The following MICAL3 variants were observed in gnomAD, a reference collection of about 807,000 sequenced individuals.
MICAL3 encodes the protein microtubule associated monooxygenase, calponin and LIM domain containing 3.
A neutral mutation model predicts 207.4 loss-of-function variants in MICAL3; 62 were observed. That is an observed-to-expected ratio of 0.30 (90% confidence interval 0.24 to 0.37). The LOEUF (loss-of-function observed/expected upper bound fraction) is 0.37, where lower values mean the gene tolerates loss of function less well. Ranked by LOEUF, MICAL3 falls within the 10% of genes least tolerant of loss-of-function variation. The pLI is 1.00. For synonymous variants in MICAL3, 1,077 were observed against 1,069.3 expected (o/e 1.01, Z -0.14); for missense variants, 2,368 against 2,635.6 (o/e 0.90, Z 2.22).
chr22:17,836,341 C>T (rs556864441), intron 20 of MICAL3, among the ~76,000 whole-genome samples: 1 of 152,268 alleles, frequency 6.6e-6, no homozygotes, highest in Admixed American at 6.5e-5. Flanking sequence ...CTCTAGGTCA[C>T]GGGGCTGCGC....
chr22:17,790,276 CT>C lies in MICAL3; in HGVS notation c.*455del, dbSNP rs753101181. The C allele has an allele frequency of 1.9e-5, 3 of 160,264 alleles. No individual in the cohort carries two copies. The highest frequency in any genetic ancestry group is 6.0e-5 in the Admixed American group (1 of 16,656). 9.9% of individuals were successfully genotyped at this position (160,264 alleles called of 1,614,324 possible). A position where few individuals can be genotyped will look rare whatever the true frequency, so the allele number is the denominator to read the frequency against. ...CTGGGTCTCGATCGCACCCTGACCC[CT>C]GACCCTGCTTTCGTGGGGTATTGTT... On this transcript the variant is annotated 3_prime_UTR_variant, in exon 32 of 32. Coordinates refer to ENST00000441493, the MANE Select transcript of MICAL3 (RefSeq NM_015241.3).
In MICAL3 at chr22:17,900,899, T is replaced by C; in HGVS notation, c.790A>G (p.Ser264Gly). The C allele has an allele frequency of 6.2e-7, 1 of 1,614,048 alleles. No individual in the cohort carries two copies. The highest frequency in any genetic ancestry group is 1.1e-5 in the South Asian group (1 of 91,086). Residue 264 changes from serine (S) to glycine (G), a missense_variant, in exon 6 of 32, where the codon AGT (serine) becomes GGT (glycine). This residue lies in a region of MICAL3 where 400 missense variants were observed against 547.0 expected (regional missense o/e 0.73). Coordinates refer to ENST00000441493, the MANE Select transcript of MICAL3 (RefSeq NM_015241.3). This position sits in a 1 kb window ranked among gnomAD's most constrained non-coding sequence, Gnocchi z 4.0. ...TTAEAKVEEI[S>G]GVAFIFNQKF... ...TGGTTGAATATAAAAGCCACACCAC[T>C]GATCTCTTCCACTTTAGCTTCTGCT... is the stretch of plus-strand genomic sequence containing the variant.
chr22:17,996,368 C>A (rs1281828491), intron 1 of MICAL3, among the ~76,000 whole-genome samples: 1 of 150,974 alleles, frequency 6.6e-6, no homozygotes, highest in African/African-American at 2.4e-5. Context: ...GGTGTGAACC[C>A]GGGAGGCGGA....
rs530342864 is a variant in MICAL3, at chr22:18,014,434, C to G, written c.-75+9847G>C. Among the ~76,000 whole-genome samples, 5 of 152,252 alleles carry G rather than the reference C, an allele frequency of 3.3e-5. No homozygotes were observed. In the Middle Eastern group the frequency reaches 0.01, roughly 311 times the overall value. On this transcript the variant is annotated intron_variant, in intron 1 of 31. Coordinates refer to ENST00000441493, the MANE Select transcript of MICAL3 (RefSeq NM_015241.3). ...GCCTGGAAGGAAGAGAACAGCTTTTCCAAGTTGTTGGATTTGTTCCTTCTC... is the reference window on the plus strand; with the variant it reads ...GCCTGGAAGGAAGAGAACAGCTTTTGCAAGTTGTTGGATTTGTTCCTTCTC...
intron 1 of MICAL3, chr22:18,001,233 C>G (rs1349138963): frequency 2.0e-5 from 3 of 152,004 alleles, no homozygotes; most frequent in East Asian, 1.9e-4. Flanking sequence ...CGGCACTGCC[C>G]GGGCGGGAGG....
At chr22:17,955,054 T>C (rs1934548767) in intron 1 of MICAL3, among the ~76,000 whole-genome samples, 1 of 143,608 alleles carries the variant, frequency 7.0e-6, no homozygotes, top group African/African-American at 2.4e-5. Flanking sequence ...TTACTAGCTG[T>C]GTGACTTTAA....
chr22:17,877,054 GGGAGGTTAT>G, intron 16 of MICAL3, among the ~76,000 whole-genome samples: 1 of 109,640 alleles, frequency 9.1e-6, no homozygotes, highest in East Asian at 2.9e-4. Flanking sequence ...ATGGAGGTTA[GGGAGGTTAT>G]GGAGGTTAGG....
At chr22:17,961,240 T>C (rs750535792) in intron 1 of MICAL3, among the ~76,000 whole-genome samples, 1 of 152,012 alleles carries the variant, frequency 6.6e-6, no homozygotes, top group Non-Finnish European at 1.5e-5. Flanking sequence ...AAACATGAGG[T>C]GTGAGAACCA....
intron 17 of MICAL3, among the ~76,000 whole-genome samples, chr22:17,866,931 C>T (rs186915662): frequency 1.0e-3 from 158 of 152,304 alleles, no homozygotes; most frequent in Non-Finnish European, 1.6e-3. Context: ...AAGTGATAAA[C>T]CCTACTATAG....
At chr22:18,001,171 G>A (rs1433682216) in intron 1 of MICAL3, 1 of 152,096 alleles carries the variant, frequency 6.6e-6, no homozygotes. Flanking sequence ...CCGGACGCAG[G>A]GTTATAAGCG....
intron 1 of MICAL3, among the ~76,000 whole-genome samples, chr22:18,017,752 ATTT>A (rs532674200): frequency 7.6e-6 from 1 of 131,548 alleles, no homozygotes; most frequent in Non-Finnish European, 1.6e-5. Flanking sequence ...CACCCGGCTA[ATTT>A]TTTTTTTTTT....
rs181678852 is a variant in MICAL3, at chr22:17,916,684, C to G, written c.-74-9798G>C. On this transcript the variant is annotated intron_variant, in intron 1 of 31. Transcript: ENST00000441493. ...TACCGTCTGCCCCCCCACAACCCCA[C>G]CGGCCTCCAGGACAAGGGGACACTA... is the stretch of plus-strand genomic sequence containing the variant. Among the ~76,000 whole-genome samples, 487 of 152,274 alleles carry G rather than the reference C, an allele frequency of 3.2e-3. 4 individuals are homozygous for G. The highest frequency in any genetic ancestry group is 0.011 in the African/African-American group (462 of 41,562).
intron 19 of MICAL3, among the ~76,000 whole-genome samples, chr22:17,845,603 G>GGTA (rs2042758597): frequency 6.6e-6 from 1 of 152,116 alleles, no homozygotes; most frequent in Admixed American, 6.5e-5. Context: ...CATTCTGTGA[G>GGTA]GTAGGCACTA....
In MICAL3 at chr22:17,883,105, T is replaced by A. The variant is rs187094906; in HGVS notation, c.2241+2773A>T. On this transcript the variant is annotated intron_variant, in intron 16 of 31. Coordinates refer to ENST00000441493, the MANE Select transcript of MICAL3 (RefSeq NM_015241.3). ...TTTGGAATCCAATTTGGAGTTCACC[T>A]TCCCCTGCAACAGATCCTCAACTAA... 1.2e-3 allele frequency among the ~76,000 whole-genome samples: 177 copies of A among 152,352 alleles called. 1 individual carries two copies. Among genetic ancestry groups the A allele is most frequent in the African/African-American group, 4.1e-3 (169 of 41,586 alleles).
chr22:17,820,142 C>CAAA (rs35565268), intron 25 of MICAL3, among the ~76,000 whole-genome samples: 4 of 120,118 alleles, frequency 3.3e-5, no homozygotes, highest in South Asian at 2.8e-4. Flanking sequence ...GACCCTGTCT[C>CAAA]AAAAAAAAAA....
intron 1 of MICAL3, among the ~76,000 whole-genome samples, chr22:18,011,739 A>C (rs2146504660): frequency 6.7e-6 from 1 of 150,208 alleles, no homozygotes; most frequent in African/African-American, 2.4e-5. Context: ...ATACAAAAAA[A>C]AAATTAGCTG....
chr22:17,913,031 T>A (rs912250572), intron 1 of MICAL3, among the ~76,000 whole-genome samples: 2 of 152,182 alleles, frequency 1.3e-5, no homozygotes, highest in Non-Finnish European at 2.9e-5. Flanking sequence ...ATTTCTATCA[T>A]GAGAAGGTAT....
At chr22:17,821,054 A>C (rs1442142022) in intron 25 of MICAL3, among the ~76,000 whole-genome samples, 1 of 150,452 alleles carries the variant, frequency 6.6e-6, no homozygotes, top group Admixed American at 6.6e-5. Flanking sequence ...ATTAAATATA[A>C]TAAATTATTT....
chr22:17,878,360 G>A (rs968332928), intron 16 of MICAL3, among the ~76,000 whole-genome samples: 2 of 152,184 alleles, frequency 1.3e-5, no homozygotes, highest in African/African-American at 4.8e-5. Flanking sequence ...AGCACCGTGG[G>A]GCGAGGCCAT....
Sources: allele counts gnomAD v4.1 joint callset (sites outside exome capture counted in the v4.1 genomes callset), GRCh38; gene constraint gnomAD v4.1.1; regional missense constraint gnomAD v4.1.1; non-coding constraint Gnocchi (gnomAD v3.1); transcripts MANE v1.5; gene names NCBI Gene and HGNC (gene_info 2026-07-23, HGNC 2026-07-21).